The following FMN1 variants were observed in gnomAD, a reference collection of about 807,000 sequenced individuals.
FMN1 encodes formin 1.
Under a neutral mutation model 132.4 loss-of-function variants are expected in FMN1, and 110 were observed. That is an observed-to-expected ratio of 0.83 (90% CI 0.71 to 0.97). The LOEUF is 0.97. Among genes scored for constraint, FMN1 ranks in the 50% least tolerant of loss-of-function variants. The pLI, the probability that FMN1 is intolerant of heterozygous loss-of-function variation, is 0.00. For missense variants in FMN1, 1,792 were observed against 1,705.3 expected (o/e 1.05, Z -0.90); for synonymous variants, 722 against 651.7 (o/e 1.11, Z -1.64).
At chr15:32,990,656 C>G (rs1227185178) in intron 7 of FMN1, among the ~76,000 whole-genome samples, 1 of 152,138 alleles carries the variant, frequency 6.6e-6, no homozygotes, top group Non-Finnish European at 1.5e-5. Context: ...CTGTATTAGT[C>G]TGTCCTCACA....
intron 17 of FMN1, among the ~76,000 whole-genome samples, chr15:32,833,768 C>T (rs763753930): frequency 5.3e-5 from 8 of 151,956 alleles, no homozygotes; most frequent in Non-Finnish European, 1.2e-4. Context: ...TGCTTTTTTC[C>T]CCCTGAACTC....
intron 9 of FMN1, among the ~76,000 whole-genome samples, chr15:32,931,361 T>C (rs967513580): frequency 1.2e-4 from 18 of 152,350 alleles, no homozygotes; most frequent in Middle Eastern, 3.4e-3. Flanking sequence ...CTTCCTAAAT[T>C]TTTTTAAGCA....
chr15:32,774,304 T>C lies in FMN1; in HGVS notation c.*6A>G. ...TCCAGTGCCATCATTTCCATGTGTC[T>C]TCATCTTAGTTAGTGGTCACACTGG... On this transcript the variant is annotated 3_prime_UTR_variant, in exon 21 of 21. Coordinates refer to ENST00000616417, the MANE Select transcript of FMN1 (RefSeq NM_001277313.2). The C allele has an allele frequency of 6.2e-7, 1 of 1,602,176 alleles. No individual in the cohort carries two copies. Among genetic ancestry groups the C allele is most frequent in the Non-Finnish European group, 8.5e-7 (1 of 1,173,224 alleles).
At chr15:32,886,483 G>A (rs1467474551) in intron 16 of FMN1, among the ~76,000 whole-genome samples, 1 of 152,156 alleles carries the variant, frequency 6.6e-6, no homozygotes, top group African/African-American at 2.4e-5. Context: ...ACAAAAGAAG[G>A]TGTACCAAAG....
At chr15:32,834,655 C>T (rs1025449457) in intron 17 of FMN1, among the ~76,000 whole-genome samples, 2 of 152,146 alleles carry the variant, frequency 1.3e-5, no homozygotes, top group South Asian at 2.1e-4. Flanking sequence ...TTACTCCCAC[C>T]GTTATTATTT....
chr15:33,047,910 C>A (rs1319582759), intron 6 of FMN1, among the ~76,000 whole-genome samples: 4 of 152,204 alleles, frequency 2.6e-5, no homozygotes, highest in African/African-American at 7.2e-5. Context: ...AATGAAAAAT[C>A]TTACAACTAT....
chr15:33,035,199 T>G (rs780194627), intron 6 of FMN1, among the ~76,000 whole-genome samples: 3 of 152,174 alleles, frequency 2.0e-5, no homozygotes, highest in Non-Finnish European at 2.9e-5. Context: ...CTAACATAAT[T>G]TTGAAATGGC....
intron 9 of FMN1, among the ~76,000 whole-genome samples, chr15:32,942,563 C>A (rs569199090): frequency 6.6e-6 from 1 of 152,348 alleles, no homozygotes; most frequent in South Asian, 2.1e-4. Context: ...AAGAGAAACA[C>A]AGAAGCCCTC....
In FMN1 at chr15:32,888,214, C is replaced by T; in HGVS notation, c.3793G>A (p.Asp1265Asn). 1 of 1,613,176 alleles carries T rather than the reference C, an allele frequency of 6.2e-7. No homozygotes were observed. Among genetic ancestry groups the T allele is most frequent in the East Asian group, 2.2e-5 (1 of 44,844 alleles). Residue 1265 changes from aspartate (D) to asparagine (N), a missense_variant, in exon 16 of 21, where the codon GAC becomes AAC. Coordinates refer to ENST00000616417, the MANE Select transcript of FMN1 (RefSeq NM_001277313.2). ...FFLASQVKFE[D>N]LIKDLRKLKR... ...AGTTTTCTCAAATCTTTTATGAGGTCTTCAAACTTGACTTGGGAGGCCAGA... is the reference window on the plus strand; with the variant it reads ...AGTTTTCTCAAATCTTTTATGAGGTTTTCAAACTTGACTTGGGAGGCCAGA...
intron 5 of FMN1, chr15:33,066,914 T>G (rs1397834118): frequency 1.9e-6 from 3 of 1,613,848 alleles, no homozygotes; most frequent in Non-Finnish European, 2.5e-6. Flanking sequence ...CTTCACTGTC[T>G]GCAGCCCTGC....
rs3081420 is a variant in FMN1, at chr15:33,020,638, CAAA to C, written c.2162-12566_2162-12564del. Among the ~76,000 whole-genome samples the C allele has an allele frequency of 5.7e-3, 778 of 136,400 alleles. 21 individuals carry two copies. The South Asian group carries it at 0.092, about 16-fold the overall frequency. The allele number at this position is 136,400 out of a possible 152,430, so 89.5% of individuals were successfully genotyped here. A position where few individuals can be genotyped will look rare whatever the true frequency, so the allele number is the denominator to read the frequency against. ...GGGAGACAAGAGCGAAACTCCGTCT[CAAA>C]AAAAAAAAAAAAAAAGACACTATGC... is the stretch of plus-strand genomic sequence containing the variant. On this transcript the variant is annotated intron_variant, in intron 6 of 20. Transcript: ENST00000616417.
In FMN1 at chr15:32,969,448, G is replaced by A; in HGVS notation, c.2253C>T (p.Ile751=). 6.2e-7 allele frequency: 1 copy of A among 1,613,868 alleles called. No homozygotes were observed. Among genetic ancestry groups the A allele is most frequent in the African/African-American group, 1.3e-5 (1 of 75,032 alleles). The change falls in exon 8 of 21, where the codon ATC becomes ATT. Residue 751 remains isoleucine (I), a synonymous_variant. Transcript: ENST00000616417. ...QAQFELRAFH[I]RGEHAMITAR... ...CTGTTATCATTGCATGCTCGCCCCG[G>A]ATATGAAATGCCCGAAGTTCAAACT...
chr15:32,895,652 A>G (rs2060135412), intron 15 of FMN1, among the ~76,000 whole-genome samples: 1 of 152,150 alleles, frequency 6.6e-6, no homozygotes, highest in African/African-American at 2.4e-5. Flanking sequence ...TGCTAATTCT[A>G]TATATCTAGT....
intron 4 of FMN1, among the ~76,000 whole-genome samples, chr15:33,095,917 A>AT (rs1226323678): frequency 6.6e-6 from 1 of 152,002 alleles, no homozygotes; most frequent in Non-Finnish European, 1.5e-5. Context: ...TATATAATAA[A>AT]TGATTTTTTT....
chr15:33,060,122 A>C (rs943697554), intron 6 of FMN1, among the ~76,000 whole-genome samples: 2 of 152,210 alleles, frequency 1.3e-5, no homozygotes, highest in Non-Finnish European at 2.9e-5. Context: ...ATCACAATCC[A>C]ATCAACTCCA....
chr15:32,898,543 T>C (rs369499658), intron 15 of FMN1, among the ~76,000 whole-genome samples: 1 of 152,168 alleles, frequency 6.6e-6, no homozygotes, highest in Non-Finnish European at 1.5e-5. Context: ...GGATCTAGAT[T>C]TCACAGAGAA....
intron 5 of FMN1, among the ~76,000 whole-genome samples, chr15:33,075,328 A>G (rs955363980): frequency 5.3e-5 from 8 of 152,140 alleles, no homozygotes; most frequent in Admixed American, 3.9e-4. Flanking sequence ...TCATTATAAA[A>G]CAAGTATTTA....
At chr15:33,013,903 C>T (rs965769198) in intron 6 of FMN1, among the ~76,000 whole-genome samples, 7 of 152,224 alleles carry the variant, frequency 4.6e-5, no homozygotes, top group African/African-American at 1.7e-4. Flanking sequence ...TGCAATGATT[C>T]ATTTTGTGTA....
chr15:32,997,420 C>T (rs1234412362), intron 7 of FMN1, among the ~76,000 whole-genome samples: 1 of 150,134 alleles, frequency 6.7e-6, no homozygotes, highest in Non-Finnish European at 1.5e-5. Flanking sequence ...AAAATTAAAA[C>T]TTAAAAAATC....
Sources: allele counts gnomAD v4.1 joint callset (sites outside exome capture counted in the v4.1 genomes callset), GRCh38; gene constraint gnomAD v4.1.1; transcripts MANE v1.5; gene names NCBI Gene and HGNC (gene_info 2026-07-23, HGNC 2026-07-21).